The following TAB3 variants were observed in gnomAD, a reference collection of about 807,000 sequenced individuals.
TAB3 encodes TGF-beta activated kinase 1 (MAP3K7) binding protein 3, also known as TGF-beta-activated kinase 1 and MAP3K7-binding protein 3.
Under a neutral mutation model 48.1 loss-of-function variants are expected in TAB3, and 18 were observed. That is an observed-to-expected ratio of 0.37 (90% CI 0.26 to 0.55). TAB3 has a LOEUF of 0.55. Among genes scored for constraint, TAB3 ranks in the 20% least tolerant of loss-of-function variants. The probability of loss-of-function intolerance (pLI) is 0.78; values close to 1 mark genes in which losing one functional copy is unlikely to be tolerated. For synonymous variants in TAB3, 185 were observed against 190.2 expected, an observed-to-expected ratio of 0.97 and a Z score of 0.22; for missense variants, 414 against 549.8, an observed-to-expected ratio of 0.75 and a Z score of 2.47.
In TAB3 at chrX:30,829,049, C is replaced by A. The variant is rs967292265; in HGVS notation, c.*2378G>T. The A allele has an allele frequency of 3.6e-5, 4 of 112,058 alleles. No individual in the cohort carries two copies. Among genetic ancestry groups the A allele is most frequent in the African/African-American group, 1.3e-4 (4 of 30,723 alleles). 9.2% of individuals were successfully genotyped at this position (112,058 alleles called of 1,213,427 possible). ...TTAAAAATTAACATGTACAAAACTT[C>A]CTTAAAATCAATCTGATACCGCATA... On this transcript the variant is annotated 3_prime_UTR_variant, in exon 11 of 11. Transcript: ENST00000288422.
At chrX:30,840,113 AC>A (rs1156839317) in intron 9 of TAB3, among the ~76,000 whole-genome samples, 4 of 108,223 alleles carry the variant, frequency 3.7e-5, no homozygotes. Context: ...GTAATAGATA[AC>A]CCATCTTTCA....
At chrX:30,875,062 T>C (rs937113515) in intron 1 of TAB3, among the ~76,000 whole-genome samples, 1 of 111,394 alleles carries the variant, frequency 9.0e-6, no homozygotes, top group Non-Finnish European at 1.9e-5. Context: ...GGATGAGATA[T>C]GAAGGAGTAA....
chrX:30,850,269 C>T (rs1938789535), intron 7 of TAB3, among the ~76,000 whole-genome samples: 1 of 111,955 alleles, frequency 8.9e-6, no homozygotes, highest in Admixed American at 9.5e-5. Context: ...TGTTAGCACC[C>T]ACATGAACTA....
intron 1 of TAB3, among the ~76,000 whole-genome samples, chrX:30,878,746 C>G (rs999937803): frequency 3.6e-5 from 4 of 111,362 alleles, no homozygotes; most frequent in Non-Finnish European, 7.5e-5. Context: ...AGATTGAAAT[C>G]ACTCAAAGTT....
chrX:30,868,316 T>TATATA lies in TAB3; in HGVS notation c.-279-768_-279-767insTATAT, dbSNP rs1403910662. 4.7e-3 allele frequency among the ~76,000 whole-genome samples: 7 copies of TATATA among 1,474 alleles called. 2 individuals are homozygous for TATATA. The highest frequency in any genetic ancestry group is 0.045 in the South Asian group (1 of 22). 1.3% of individuals were successfully genotyped at this position (1,474 alleles called of 115,157 possible). On this transcript the variant is annotated intron_variant, in intron 2 of 10. Transcript: ENST00000288422. ...GTGAAAAGCTATATATATATATAGC[T>TATATA]TATATATATATATATATAAGCTTTT...
intron 1 of TAB3, among the ~76,000 whole-genome samples, chrX:30,884,980 C>T (rs73454188): frequency 0.064 from 7,153 of 111,928 alleles, 543 homozygotes; most frequent in African/African-American, 0.22. Context: ...AAGATCTGTC[C>T]GCTTTAATGA....
intron 7 of TAB3, among the ~76,000 whole-genome samples, chrX:30,847,815 A>T (rs1210680388): frequency 9.0e-6 from 1 of 111,583 alleles, no homozygotes; most frequent in Non-Finnish European, 1.9e-5. Context: ...CCATTAAATA[A>T]GCAGGTATCA....
intron 1 of TAB3, among the ~76,000 whole-genome samples, chrX:30,873,174 A>T (rs1939711217): frequency 8.9e-6 from 1 of 112,408 alleles, no homozygotes; most frequent in Non-Finnish European, 1.9e-5. Flanking sequence ...TGGACTAAGT[A>T]CAGGTGACCC....
intron 9 of TAB3, chrX:30,835,794 C>T (rs1344290861): frequency 1.8e-5 from 2 of 112,506 alleles, no homozygotes; most frequent in Non-Finnish European, 3.8e-5. Context: ...TTCTGTCTCC[C>T]TCACATTCTT....
rs200391183 is a variant in TAB3, at chrX:30,854,498, A to T, written c.1167T>A (p.Asn389Lys). Residue 389 changes from asparagine (N) to lysine (K), a missense_variant, in exon 6 of 11, where the codon AAT (asparagine) becomes AAA (lysine). Coordinates refer to ENST00000288422, the MANE Select transcript of TAB3 (RefSeq NM_152787.5). ...AINRSPSPIS[N>K]QPSPRNQHSL... is the part of the protein sequence containing the mutation. ...AGTGTTGATTCCGTGGAGATGGTTG[A>T]TTACTGATGGGTGAAGGACTCCTAT... The T allele has an allele frequency of 1.2e-4, 145 of 1,209,327 alleles. No individual in the cohort carries two copies. Among genetic ancestry groups the T allele is most frequent in the Non-Finnish European group, 1.5e-4 (133 of 894,941 alleles).
At chrX:30,844,034 T>A (rs753477840) in intron 8 of TAB3, 3 of 110,247 alleles carry the variant, frequency 2.7e-5, no homozygotes, top group Non-Finnish European at 3.8e-5. Context: ...AAAGCTGGTT[T>A]TCATCAAGTC....
intron 7 of TAB3, among the ~76,000 whole-genome samples, chrX:30,848,410 T>C (rs1938706199): frequency 9.0e-6 from 1 of 111,352 alleles, no homozygotes; most frequent in Non-Finnish European, 1.9e-5. Flanking sequence ...TAGTCCCAGC[T>C]ACTCGAGAGG....
At chrX:30,882,036 G>A (rs1840582735) in intron 1 of TAB3, among the ~76,000 whole-genome samples, 1 of 111,962 alleles carries the variant, frequency 8.9e-6, no homozygotes, top group Non-Finnish European at 1.9e-5. Flanking sequence ...TAAAAGTAAA[G>A]TTCATGATGT....
Position 30,881,783 on chromosome X carries a change from G to A in TAB3, c.-383+7331C>T, listed in dbSNP as rs552784000. Among the ~76,000 whole-genome samples the A allele has an allele frequency of 6.3e-5, 7 of 111,595 alleles. No individual in the cohort carries two copies. The South Asian group carries it at 2.2e-3, about 35-fold the overall frequency. On this transcript the variant is annotated intron_variant, in intron 1 of 10. Coordinates refer to ENST00000288422, the MANE Select transcript of TAB3 (RefSeq NM_152787.5). ...TTTGAAGTTGGGTGATTTCTTCAAG[G>A]TCATAAGAAGCTCTGAATATGTCTA...
In TAB3 at chrX:30,831,285, A is replaced by G. The variant is rs1003250294; in HGVS notation, c.*142T>C. The G allele has an allele frequency of 1.3e-5, 9 of 715,517 alleles. No individual in the cohort carries two copies. The highest frequency in any genetic ancestry group is 8.8e-5 in the African/African-American group (4 of 45,392). The allele number at this position is 715,517 out of a possible 1,213,427, so 59.0% of individuals were successfully genotyped here. A position where few individuals can be genotyped will look rare whatever the true frequency, so the allele number is the denominator to read the frequency against. On this transcript the variant is annotated 3_prime_UTR_variant, in exon 11 of 11. Coordinates refer to ENST00000288422, the MANE Select transcript of TAB3 (RefSeq NM_152787.5). ...CCCCATTTTTCCTTTCGTGAGCACAACGACGACCACAAAGCCATTCCTCCT... is the reference window on the plus strand; with the variant it reads ...CCCCATTTTTCCTTTCGTGAGCACAGCGACGACCACAAAGCCATTCCTCCT...
At position 30,854,276 on chromosome X, in the gene TAB3, C is replaced by T. The variant is rs780602003; in HGVS notation, c.1389G>A (p.Thr463=). 14 of 1,209,573 alleles carry T rather than the reference C, an allele frequency of 1.2e-5. No individual in the cohort carries two copies. Among genetic ancestry groups the T allele is most frequent in the South Asian group, 3.5e-5 (2 of 56,780 alleles). Residue 463 remains threonine, a synonymous_variant, in exon 6 of 11, where the codon ACG becomes ACA. Coordinates refer to ENST00000288422, the MANE Select transcript of TAB3 (RefSeq NM_152787.5). ...CCACTAAATTTAAAAGATTTTCAGT[C>T]GTTGCTCGGCCTACGGTAATTTTAA... The part of the protein sequence containing the change: ...TVFKITVGRA[T]TENLLNLVDQ...
chrX:30,878,519 AG>A (rs1237810232), intron 1 of TAB3, among the ~76,000 whole-genome samples: 6 of 104,362 alleles, frequency 5.7e-5, no homozygotes, highest in Admixed American at 1.0e-4. Flanking sequence ...AAAAAAAAAA[AG>A]AAAGAAAGAA....
chrX:30,843,865 G>A (rs1197080119), intron 8 of TAB3: 1 of 111,296 alleles, frequency 9.0e-6, no homozygotes, highest in Non-Finnish European at 1.9e-5. Flanking sequence ...CTATCACTGT[G>A]CTCTGCTTGT....
At chrX:30,883,107 C>T (rs1379511029) in intron 1 of TAB3, among the ~76,000 whole-genome samples, 1 of 111,201 alleles carries the variant, frequency 9.0e-6, no homozygotes, top group African/African-American at 3.3e-5. Flanking sequence ...CAGAAGAATG[C>T]TATTTCTCCA....
Sources: gnomAD v4.1 joint callset for allele counts (sites outside exome capture counted in the v4.1 genomes callset) on GRCh38, gnomAD v4.1.1 for gene constraint, MANE v1.5 for transcripts, NCBI Gene and HGNC (gene_info 2026-07-23, HGNC 2026-07-21) for gene names.